Variants in COPG2 observed in about 807,000 individuals in gnomAD.
The protein encoded by COPG2 is coatomer subunit gamma-2.
COPG2 carries 37 observed loss-of-function variants against 46.3 expected under a neutral mutation model. The observed-to-expected ratio is 0.80, with a 90% CI of 0.61 to 1.05. The LOEUF is 1.05. COPG2 is among the 50% of genes least tolerant of loss of function. The pLI, the probability that COPG2 is intolerant of heterozygous loss-of-function variation, is 0.00. For missense variants in COPG2, 427 were observed against 387.8 expected, an observed-to-expected ratio of 1.10 and a Z score of -0.85; for synonymous variants, 159 against 129.7, an observed-to-expected ratio of 1.23 and a Z score of -1.53.
At chr7:130,619,452 T>G (rs191236111) in intron 5 of COPG2, among the ~76,000 whole-genome samples, 1 of 152,182 alleles carries the variant, frequency 6.6e-6, no homozygotes, top group Non-Finnish European at 1.5e-5. Context: ...AGTTAAGCTA[T>G]GAAAGCAAAA....
intron 9 of COPG2, among the ~76,000 whole-genome samples, chr7:130,575,729 C>A (rs1554446127): frequency 6.6e-6 from 1 of 152,196 alleles, no homozygotes; most frequent in African/African-American, 2.4e-5. Context: ...CCTCACATCT[C>A]AATACTAACA....
rs78108465 is a variant in COPG2 at position 130,612,250 on chromosome 7, A to G, written c.493-12T>C. On this transcript the variant is annotated splice_polypyrimidine_tract_variant and intron_variant, in intron 7 of 23. Coordinates refer to ENST00000425248, the MANE Select transcript of COPG2 (RefSeq NM_012133.6). The stretch of plus-strand genomic sequence containing the variant: ...ATCTTCATCATGTGCTAAATACAGA[A>G]AAAAAAAAATGAGAATAAATAATGC... 5 of 1,240,308 alleles carry G rather than the reference A, an allele frequency of 4.0e-6. No homozygotes were observed. Among genetic ancestry groups the G allele is most frequent in the Non-Finnish European group, 4.2e-6 (4 of 961,032 alleles). The allele number at this position is 1,240,308 out of a possible 1,614,324, so 76.8% of individuals were successfully genotyped here.
intron 5 of COPG2, among the ~76,000 whole-genome samples, chr7:130,637,325 C>A (rs1019145828): frequency 1.4e-4 from 22 of 152,206 alleles, no homozygotes; most frequent in African/African-American, 4.3e-4. Flanking sequence ...TGTTTTCCAA[C>A]TTGGTTCCAT....
intron 20 of COPG2, among the ~76,000 whole-genome samples, chr7:130,528,287 A>C (rs2116355131): frequency 6.6e-6 from 1 of 152,144 alleles, no homozygotes; most frequent in East Asian, 1.9e-4. Context: ...TCACAGGCGC[A>C]TGTTCCCCAG....
At chr7:130,626,068 C>T (rs959382277) in intron 5 of COPG2, among the ~76,000 whole-genome samples, 3 of 152,150 alleles carry the variant, frequency 2.0e-5, no homozygotes, top group Admixed American at 6.5e-5. Flanking sequence ...GGGTAATTAG[C>T]ACATCCATCT....
At chr7:130,668,150 G>A (rs1188004552) in intron 1 of COPG2, among the ~76,000 whole-genome samples, 2 of 152,130 alleles carry the variant, frequency 1.3e-5, no homozygotes, top group Non-Finnish European at 2.9e-5. Flanking sequence ...TCTTGCCCCC[G>A]GGGACCTGGA....
At chr7:130,603,171 G>A (rs1554450619) in intron 9 of COPG2, among the ~76,000 whole-genome samples, 1 of 152,104 alleles carries the variant, frequency 6.6e-6, no homozygotes, top group Admixed American at 6.5e-5. Context: ...CAAAATTAAT[G>A]TGCTCCTACC....
rs1038379675 is a variant in COPG2 at position 130,652,434 on chromosome 7, T to G, written c.323+435A>C. ...AAATATTATACCTCATTCTTGAATTTTTAATTTATGTTTTTTGGTTACTAG... is the reference window on the plus strand; with the variant it reads ...AAATATTATACCTCATTCTTGAATTGTTAATTTATGTTTTTTGGTTACTAG... On this transcript the variant is annotated intron_variant, in intron 5 of 23. Coordinates refer to ENST00000425248, the MANE Select transcript of COPG2 (RefSeq NM_012133.6). 2.6e-5 allele frequency among the ~76,000 whole-genome samples: 4 copies of G among 152,346 alleles called. No homozygotes were observed. In the East Asian group the frequency reaches 7.7e-4, roughly 29 times the overall value.
At chr7:130,642,875 T>C (rs1273157295) in intron 5 of COPG2, among the ~76,000 whole-genome samples, 1 of 151,916 alleles carries the variant, frequency 6.6e-6, no homozygotes, top group Non-Finnish European at 1.5e-5. Flanking sequence ...ATACAAAAAT[T>C]AGCTGGGCGT....
chr7:130,598,402 C>A (rs1554449980), intron 9 of COPG2, among the ~76,000 whole-genome samples: 3 of 152,094 alleles, frequency 2.0e-5, no homozygotes, highest in African/African-American at 7.2e-5. Flanking sequence ...GATAAGAATA[C>A]CATTCAAGTC....
At chr7:130,591,094 G>A (rs1275129031) in intron 9 of COPG2, among the ~76,000 whole-genome samples, 8 of 129,738 alleles carry the variant, frequency 6.2e-5, no homozygotes, top group African/African-American at 2.1e-4. Context: ...AGGGAGGTGG[G>A]GGGGTCAGCC....
At chr7:130,660,173 C>T (rs1212944370) in intron 4 of COPG2, among the ~76,000 whole-genome samples, 2 of 152,168 alleles carry the variant, frequency 1.3e-5, no homozygotes, top group Non-Finnish European at 2.9e-5. Context: ...CCTAAGGAAT[C>T]ATTAAAACTA....
chr7:130,578,190 C>T (rs1794051024), intron 9 of COPG2, among the ~76,000 whole-genome samples: 1 of 149,592 alleles, frequency 6.7e-6, no homozygotes, highest in Non-Finnish European at 1.5e-5. Context: ...GTCCCTGACC[C>T]CTGACCCCCG....
intron 9 of COPG2, among the ~76,000 whole-genome samples, chr7:130,582,814 G>A (rs1206207799): frequency 2.5e-4 from 38 of 151,936 alleles, no homozygotes; most frequent in African/African-American, 8.4e-4. Context: ...TCTCACAACA[G>A]TTAGAATGGC....
At chr7:130,612,355 A>G in intron 7 of COPG2, 117 bp from the exon 8 acceptor site, 1 of 634,230 alleles carries the variant, frequency 1.6e-6, no homozygotes. Context: ...AAAACTATGT[A>G]GCTCTTATAA....
chr7:130,558,749 T>C (rs1234787702), intron 12 of COPG2, among the ~76,000 whole-genome samples: 4 of 152,174 alleles, frequency 2.6e-5, no homozygotes, highest in African/African-American at 9.6e-5. Context: ...CTTGAACTCC[T>C]GGACTCAAGC....
intron 5 of COPG2, among the ~76,000 whole-genome samples, chr7:130,646,813 C>T (rs13438002): frequency 0.15 from 22,028 of 151,384 alleles, 2,952 homozygotes; most frequent in African/African-American, 0.36. Context: ...GCCTGCTTCC[C>T]CTTCTGCCAT....
chr7:130,652,776 C>T (rs1795773598), intron 5 of COPG2, 93 bp downstream of exon 5: 1 of 790,140 alleles, frequency 1.3e-6, no homozygotes, highest in Non-Finnish European at 2.1e-6. Flanking sequence ...TTTTAAATTC[C>T]TATTGGCTTT....
chr7:130,530,474 G>A (rs1302066783), intron 20 of COPG2, among the ~76,000 whole-genome samples: 1 of 152,220 alleles, frequency 6.6e-6, no homozygotes, highest in Non-Finnish European at 1.5e-5. Flanking sequence ...ATCTGGAGGA[G>A]CAACAGAAAA....
Sources: gnomAD v4.1 joint callset for allele counts (sites outside exome capture counted in the v4.1 genomes callset) on GRCh38, gnomAD v4.1.1 for gene constraint, MANE v1.5 for transcripts, NCBI Gene and HGNC (gene_info 2026-07-23, HGNC 2026-07-21) for gene names.